The following RELN variants were observed in gnomAD, a reference collection of about 807,000 sequenced individuals.
RELN encodes reelin.
In RELN, 108 loss-of-function variants were observed where a neutral mutation model predicts 427.6. The observed-to-expected ratio is 0.25, with a 90% CI of 0.22 to 0.30. The LOEUF is 0.30. RELN is among the 10% of genes least tolerant of loss of function. The probability of loss-of-function intolerance (pLI) is 1.00; values close to 1 mark genes in which losing one functional copy is unlikely to be tolerated. For missense variants in RELN, 3,715 were observed against 4,302.8 expected, an observed-to-expected ratio of 0.86 and a Z score of 3.82; for synonymous variants, 1,524 against 1,513.4, an observed-to-expected ratio of 1.01 and a Z score of -0.16.
chr7:103,809,632 G>T (rs1163106190), intron 3 of RELN, among the ~76,000 whole-genome samples: 2 of 152,148 alleles, frequency 1.3e-5, no homozygotes, highest in Non-Finnish European at 2.9e-5. Context: ...GGTTTGGAAA[G>T]GAAAAGAAAT....
intron 9 of RELN, among the ~76,000 whole-genome samples, chr7:103,699,497 A>C (rs1834047058): frequency 1.3e-5 from 2 of 152,152 alleles, no homozygotes; most frequent in South Asian, 4.1e-4. Flanking sequence ...CTAAAACTGA[A>C]AGTACCATTT....
chr7:103,831,494 TAG>T (rs1290060712), intron 3 of RELN, among the ~76,000 whole-genome samples: 3 of 152,120 alleles, frequency 2.0e-5, no homozygotes, highest in Non-Finnish European at 4.4e-5. Context: ...AGCTCTACAA[TAG>T]AGTTATAAGA....
intron 41 of RELN, among the ~76,000 whole-genome samples, chr7:103,550,720 C>A (rs2117152191): frequency 6.6e-6 from 1 of 151,194 alleles, no homozygotes; most frequent in African/African-American, 2.4e-5. Context: ...GTTTGAAAGT[C>A]ATAATATTCT....
intron 2 of RELN, among the ~76,000 whole-genome samples, chr7:103,875,118 T>C (rs1051627110): frequency 1.4e-5 from 2 of 146,182 alleles, no homozygotes; most frequent in African/African-American, 4.9e-5. Flanking sequence ...AAGGATTCCC[T>C]ATTTAATAAA....
chr7:103,630,237 A>G, intron 19 of RELN, 61 bp from the exon 20 acceptor site: 1 of 1,084,348 alleles, frequency 9.2e-7, no homozygotes, highest in African/African-American at 1.5e-5. Context: ...ACAAATATTT[A>G]TAGTGGGATA....
chr7:103,566,515 C>T (rs1002876727), intron 32 of RELN, 86 bp downstream of exon 32: 33 of 1,594,216 alleles, frequency 2.1e-5, no homozygotes, highest in Non-Finnish European at 2.8e-5. Context: ...AAATTGACAG[C>T]AAATTAAGAA....
intron 2 of RELN, among the ~76,000 whole-genome samples, chr7:103,834,066 G>A (rs931239709): frequency 6.6e-6 from 1 of 152,162 alleles, no homozygotes; most frequent in African/African-American, 2.4e-5. Flanking sequence ...GGAGAGGCTT[G>A]TTAAAATATT....
At chr7:103,788,994 A>G (rs1489029505) in intron 3 of RELN, among the ~76,000 whole-genome samples, 1 of 152,146 alleles carries the variant, frequency 6.6e-6, no homozygotes, top group Non-Finnish European at 1.5e-5. Context: ...CAACAGATAC[A>G]TAGACGAATG....
intron 16 of RELN, among the ~76,000 whole-genome samples, chr7:103,648,825 G>A (rs1832850432): frequency 6.6e-6 from 1 of 151,710 alleles, no homozygotes; most frequent in Non-Finnish European, 1.5e-5. Context: ...ATGACCAACA[G>A]GTATATAAAA....
intron 1 of RELN, among the ~76,000 whole-genome samples, chr7:103,921,244 C>T (rs1347485693): frequency 1.3e-5 from 2 of 152,164 alleles, no homozygotes; most frequent in Admixed American, 6.6e-5. Flanking sequence ...TATGGGATAA[C>T]ACCCACAAGT....
chr7:103,809,026 C>G (rs573911530), intron 3 of RELN, among the ~76,000 whole-genome samples: 3 of 151,882 alleles, frequency 2.0e-5, no homozygotes, highest in African/African-American at 7.2e-5. Context: ...AAAGGGAACA[C>G]CCCAAACAAG....
rs1797177612 is a variant in RELN at position 103,989,375 on chromosome 7, G to GCCGCCGCCGCCGCCGCCC, written c.-20_-19insGGGCGGCGGCGGCGGCGG. Reference sequence around the variant, plus strand: ...GCTCCATGCCGCCGCCGCCGCCGCCGCCGCCGCGCGCCCTACGCGCCGCTC... The same window carrying GCCGCCGCCGCCGCCGCCC: ...GCTCCATGCCGCCGCCGCCGCCGCCGCCGCCGCCGCCGCCGCCCCCGCCGCGCGCCCTACGCGCCGCTC... On this transcript the variant is annotated 5_prime_UTR_variant, in exon 1 of 65. Transcript: ENST00000428762. The surrounding 1 kb of genome is among the most constrained non-coding windows in gnomAD (Gnocchi z 4.9). 2 of 1,435,788 alleles carry GCCGCCGCCGCCGCCGCCC rather than the reference G, an allele frequency of 1.4e-6. No homozygotes were observed. Among genetic ancestry groups the GCCGCCGCCGCCGCCGCCC allele is most frequent in the African/African-American group, 3.0e-5 (2 of 66,172 alleles). 88.9% of individuals were successfully genotyped at this position (1,435,788 alleles called of 1,614,324 possible). A position where few individuals can be genotyped will look rare whatever the true frequency, so the allele number is the denominator to read the frequency against.
chr7:103,916,988 T>G (rs1795495015), intron 2 of RELN, 87 bp downstream of exon 2: 2 of 1,009,798 alleles, frequency 2.0e-6, no homozygotes, highest in Admixed American at 3.4e-5. Flanking sequence ...AATAAAGGTC[T>G]AACACTGTTA....
At chr7:103,954,279 A>C (rs776329046) in intron 1 of RELN, among the ~76,000 whole-genome samples, 4 of 151,912 alleles carry the variant, frequency 2.6e-5, no homozygotes, top group Non-Finnish European at 4.4e-5. Flanking sequence ...AAACAAACAA[A>C]CTTACCAGCC....
chr7:103,855,931 T>C (rs1563053588), intron 2 of RELN, among the ~76,000 whole-genome samples: 1 of 152,174 alleles, frequency 6.6e-6, no homozygotes, highest in Non-Finnish European at 1.5e-5. Context: ...GGTCTCACTA[T>C]GAAGTACTAG....
intron 46 of RELN, among the ~76,000 whole-genome samples, chr7:103,525,107 T>C (rs1203027383): frequency 6.6e-6 from 1 of 152,094 alleles, no homozygotes; most frequent in Admixed American, 6.5e-5. Context: ...TCTCTGTCTC[T>C]GTCTCTCTCT....
chr7:103,479,386 TG>T (rs1828149133), intron 63 of RELN, among the ~76,000 whole-genome samples: 1 of 152,232 alleles, frequency 6.6e-6, no homozygotes, highest in African/African-American at 2.4e-5. Context: ...TGATTGTCAA[TG>T]ATCGTGTTAT....
At chr7:103,661,110 T>C (rs537755113) in intron 12 of RELN, among the ~76,000 whole-genome samples, 1 of 152,220 alleles carries the variant, frequency 6.6e-6, no homozygotes, top group East Asian at 1.9e-4. Flanking sequence ...GCTATGACCA[T>C]GGAGGGAGAG....
chr7:103,710,534 G>A (rs2115844514), intron 8 of RELN, among the ~76,000 whole-genome samples: 1 of 152,298 alleles, frequency 6.6e-6, no homozygotes, highest in East Asian at 1.9e-4. Flanking sequence ...GCTAAGATTA[G>A]TCACTATACA....
Sources: gnomAD v4.1 joint callset for allele counts (sites outside exome capture counted in the v4.1 genomes callset) on GRCh38, gnomAD v4.1.1 for gene constraint, Gnocchi (gnomAD v3.1) non-coding constraint, MANE v1.5 for transcripts, NCBI Gene and HGNC (gene_info 2026-07-23, HGNC 2026-07-21) for gene names.